The following ADCY8 variants were observed in gnomAD, a reference collection of about 807,000 sequenced individuals.
ADCY8 encodes the protein adenylate cyclase type 8.
Under a neutral mutation model 119.7 loss-of-function variants are expected in ADCY8, and 51 were observed. The ratio of observed to expected loss-of-function variants is 0.43; its 90% CI spans 0.34 to 0.54. The LOEUF (loss-of-function observed/expected upper bound fraction) is 0.54. Ranked by LOEUF, ADCY8 falls within the 20% of genes least tolerant of loss-of-function variation. The pLI is 0.03. For missense variants in ADCY8, 1,383 were observed against 1,598.8 expected, an observed-to-expected ratio of 0.87 and a Z score of 2.30; for synonymous variants, 665 against 651.0, an observed-to-expected ratio of 1.02 and a Z score of -0.33.
chr8:131,014,334 T>C (rs1422663821), intron 1 of ADCY8, among the ~76,000 whole-genome samples: 1 of 152,214 alleles, frequency 6.6e-6, no homozygotes, highest in Non-Finnish European at 1.5e-5. Context: ...GGTTTTGGTC[T>C]ATAATGCTGA....
intron 7 of ADCY8, chr8:130,892,216 C>G (rs1729373301): frequency 6.6e-6 from 1 of 152,116 alleles, no homozygotes; most frequent in African/African-American, 2.4e-5. Context: ...GATTTCAGCA[C>G]CCCTCTGTTG....
At chr8:130,958,834 G>A (rs1821513671) in intron 2 of ADCY8, among the ~76,000 whole-genome samples, 1 of 151,782 alleles carries the variant, frequency 6.6e-6, no homozygotes, top group Non-Finnish European at 1.5e-5. Context: ...TCTTTCTTAG[G>A]ACTCAATATT....
intron 12 of ADCY8, among the ~76,000 whole-genome samples, chr8:130,825,390 A>T (rs1428223294): frequency 2.0e-5 from 3 of 152,168 alleles, no homozygotes; most frequent in Non-Finnish European, 2.9e-5. Flanking sequence ...TGTTTTCATG[A>T]TTGGGTAGCA....
Position 130,797,848 on chromosome 8 carries a change from G to A in ADCY8, c.3060+2578C>T, listed in dbSNP as rs149245227. Among the ~76,000 whole-genome samples, 410 of 152,278 alleles carry A rather than the reference G, an allele frequency of 2.7e-3. 3 individuals carry two copies. Among genetic ancestry groups the A allele is most frequent in the African/African-American group, 8.7e-3 (360 of 41,550 alleles). ...CCCACACCCATCCCAGGGCAACTAC[G>A]GTGACCATGTTTGAGCTTATGACTT... On this transcript the variant is annotated intron_variant, in intron 15 of 17. Coordinates refer to ENST00000286355, the MANE Select transcript of ADCY8 (RefSeq NM_001115.3).
intron 12 of ADCY8, among the ~76,000 whole-genome samples, chr8:130,824,991 C>T (rs1259632998): frequency 6.6e-6 from 1 of 152,122 alleles, no homozygotes; most frequent in East Asian, 1.9e-4. Flanking sequence ...TTTGAATTAC[C>T]CCAACTTCTC....
intron 2 of ADCY8, among the ~76,000 whole-genome samples, chr8:130,967,356 T>A (rs1276095580): frequency 6.6e-6 from 1 of 152,246 alleles, no homozygotes; most frequent in East Asian, 1.9e-4. Context: ...AGTGTTCTCG[T>A]GTCAAGCAAG....
chr8:130,921,047 C>A (rs895615703), intron 5 of ADCY8, among the ~76,000 whole-genome samples: 3 of 152,110 alleles, frequency 2.0e-5, no homozygotes, highest in Non-Finnish European at 4.4e-5. Flanking sequence ...TCCAGAGAAC[C>A]CTAACACAAA....
intron 15 of ADCY8, among the ~76,000 whole-genome samples, chr8:130,795,183 G>C (rs1030239940): frequency 6.6e-6 from 1 of 152,218 alleles, no homozygotes; most frequent in East Asian, 1.9e-4. Flanking sequence ...CTCTGCCTCC[G>C]TCGATCATCT....
At chr8:131,009,650 C>A (rs968869483) in intron 1 of ADCY8, among the ~76,000 whole-genome samples, 3 of 152,332 alleles carry the variant, frequency 2.0e-5, no homozygotes, top group Admixed American at 2.0e-4. Flanking sequence ...AATGGACTAA[C>A]ACAAAGACTG....
intron 1 of ADCY8, among the ~76,000 whole-genome samples, chr8:130,995,973 A>T (rs13265695): frequency 0.42 from 63,394 of 151,900 alleles, 13,762 homozygotes; most frequent in East Asian, 0.63. Context: ...ATTGCTCAGC[A>T]CTTAATAAGT....
At chr8:131,010,518 GAA>G (rs1372823668) in intron 1 of ADCY8, among the ~76,000 whole-genome samples, 2 of 151,724 alleles carry the variant, frequency 1.3e-5, no homozygotes, top group African/African-American at 4.8e-5. Flanking sequence ...GAGAGAAAGA[GAA>G]AGAGAGAAAA....
chr8:131,030,345 G>C (rs1165748157), intron 1 of ADCY8, among the ~76,000 whole-genome samples: 3 of 152,012 alleles, frequency 2.0e-5, no homozygotes, highest in South Asian at 2.1e-4. Context: ...CCCATCCCAG[G>C]GTCCTTTTGC....
chr8:130,859,799 TCTC>T (rs1167097457), intron 9 of ADCY8, among the ~76,000 whole-genome samples: 1 of 152,198 alleles, frequency 6.6e-6, no homozygotes, highest in African/African-American at 2.4e-5. Flanking sequence ...TCTCTTTTAT[TCTC>T]CTTTCCCTCA....
Position 130,798,166 on chromosome 8 carries a change from G to A in ADCY8, c.3060+2260C>T, listed in dbSNP as rs150885294. On this transcript the variant is annotated intron_variant, in intron 15 of 17. Coordinates refer to ENST00000286355, the MANE Select transcript of ADCY8 (RefSeq NM_001115.3). ...AAAAACCTATAGAGATTAGTAACAT[G>A]GGTTTCTACCCTAGAACTAAGTGGC... Among the ~76,000 whole-genome samples, 1,333 of 152,268 alleles carry A rather than the reference G, an allele frequency of 8.8e-3. 16 individuals carry two copies. Among genetic ancestry groups the A allele is most frequent in the African/African-American group, 0.03 (1,256 of 41,532 alleles).
chr8:130,903,255 G>A (rs1368276451), intron 7 of ADCY8, among the ~76,000 whole-genome samples: 1 of 152,080 alleles, frequency 6.6e-6, no homozygotes, highest in Non-Finnish European at 1.5e-5. Context: ...GGGTGGCTTT[G>A]AAATTGCATG....
intron 8 of ADCY8, among the ~76,000 whole-genome samples, chr8:130,877,587 T>C (rs185813465): frequency 6.6e-6 from 1 of 152,290 alleles, no homozygotes; most frequent in African/African-American, 2.4e-5. Context: ...AAGAAACCCA[T>C]GCGTGAAATA....
At chr8:130,983,007 C>A (rs1822284456) in intron 2 of ADCY8, among the ~76,000 whole-genome samples, 1 of 152,206 alleles carries the variant, frequency 6.6e-6, no homozygotes, top group African/African-American at 2.4e-5. Flanking sequence ...CTCTGCTGAA[C>A]TGCCTCACAA....
intron 15 of ADCY8, among the ~76,000 whole-genome samples, chr8:130,792,970 C>G (rs545939040): frequency 6.6e-6 from 1 of 152,278 alleles, no homozygotes; most frequent in Non-Finnish European, 1.5e-5. Flanking sequence ...CCAGCTCCAG[C>G]CTTCTTCTTG....
At chr8:130,916,003 C>A (rs1820115648) in intron 5 of ADCY8, among the ~76,000 whole-genome samples, 1 of 152,160 alleles carries the variant, frequency 6.6e-6, no homozygotes, top group East Asian at 1.9e-4. Context: ...GTTCATTGCC[C>A]AGGGCGTTTT....
Sources: gnomAD v4.1 joint callset for allele counts (sites outside exome capture counted in the v4.1 genomes callset) on GRCh38, gnomAD v4.1.1 for gene constraint, MANE v1.5 for transcripts, NCBI Gene and HGNC (gene_info 2026-07-23, HGNC 2026-07-21) for gene names.